The following ADRA1B variants were observed in gnomAD, a reference collection of about 807,000 sequenced individuals.
ADRA1B encodes adrenoceptor alpha 1B.
ADRA1B carries 17 observed loss-of-function variants against 17.9 expected under a neutral mutation model. That is an observed-to-expected ratio of 0.95 (90% CI 0.65 to 1.42). ADRA1B has a LOEUF of 1.42. Ranked by LOEUF, ADRA1B falls within the 40% of genes most tolerant of loss-of-function variation. ADRA1B has a pLI of 0.00. For synonymous variants in ADRA1B, 366 were observed against 327.6 expected, an observed-to-expected ratio of 1.12 and a Z score of -1.27; for missense variants, 681 against 722.1, an observed-to-expected ratio of 0.94 and a Z score of 0.65.
At chr5:159,879,500 G>C (rs2113084740) in intron 1 of ADRA1B, among the ~76,000 whole-genome samples, 1 of 152,272 alleles carries the variant, frequency 6.6e-6, no homozygotes, top group Middle Eastern at 3.4e-3. Context: ...GCTGAATCCT[G>C]CCCTTCATCC....
intron 1 of ADRA1B, among the ~76,000 whole-genome samples, chr5:159,957,929 CAAAAAAAAAAAAA>C (rs35956137): frequency 3.0e-5 from 2 of 66,850 alleles, no homozygotes; most frequent in Non-Finnish European, 5.4e-5. Flanking sequence ...AACCCCATCT[CAAAAAAAAAAAAA>C]AAAAAAAAAA....
At chr5:159,910,069 C>T (rs967860240) in intron 1 of ADRA1B, among the ~76,000 whole-genome samples, 9 of 152,206 alleles carry the variant, frequency 5.9e-5, no homozygotes, top group South Asian at 4.1e-4. Context: ...CATACATATA[C>T]GCACACACAT....
At chr5:159,939,196 T>C (rs1248850928) in intron 1 of ADRA1B, among the ~76,000 whole-genome samples, 10 of 151,078 alleles carry the variant, frequency 6.6e-5, no homozygotes, top group Non-Finnish European at 1.2e-4. Context: ...GGTTTTCATT[T>C]GAGAAGGAAG....
chr5:159,940,945 T>C (rs1755107230), intron 1 of ADRA1B, among the ~76,000 whole-genome samples: 1 of 152,232 alleles, frequency 6.6e-6, no homozygotes, highest in Non-Finnish European at 1.5e-5. Context: ...AATTTCAATG[T>C]GGTACAATTC....
the ADRA1B span, among the ~76,000 whole-genome samples, chr5:159,980,126 G>C: frequency 6.6e-6 from 1 of 152,030 alleles, no homozygotes; most frequent in Non-Finnish European, 1.5e-5. Context: ...CAGGCTAGGA[G>C]GGTGGTTAGG....
chr5:159,957,853 C>T lies in ADRA1B; in HGVS notation c.950-14026C>T, dbSNP rs554313958. ...TTAAGGCCAGAGAATCACTTGAACC[C>T]GGGAGGTGAAGGTTGCAGTGAGCCA... On this transcript the variant is annotated intron_variant, in intron 1 of 1. Coordinates refer to ENST00000306675, the MANE Select transcript of ADRA1B (RefSeq NM_000679.4). Among the ~76,000 whole-genome samples, 6 of 143,804 alleles carry T rather than the reference C, an allele frequency of 4.2e-5. No individual in the cohort carries two copies. In the South Asian group the frequency reaches 6.5e-4, roughly 16 times the overall value. The allele number at this position is 143,804 out of a possible 152,430, so 94.3% of individuals were successfully genotyped here. A position where few individuals can be genotyped will look rare whatever the true frequency, so the allele number is the denominator to read the frequency against.
intron 1 of ADRA1B, among the ~76,000 whole-genome samples, chr5:159,883,776 A>T (rs900208812): frequency 6.6e-6 from 1 of 152,254 alleles, no homozygotes; most frequent in Non-Finnish European, 1.5e-5. Flanking sequence ...ATGAACCATA[A>T]TTCACTTTGC....
At chr5:159,935,578 G>A (rs1162775796) in intron 1 of ADRA1B, among the ~76,000 whole-genome samples, 5 of 151,292 alleles carry the variant, frequency 3.3e-5, no homozygotes, top group South Asian at 2.1e-4. Flanking sequence ...ATAGGGTCTC[G>A]CTCTGTCACC....
intron 1 of ADRA1B, among the ~76,000 whole-genome samples, chr5:159,919,626 G>A (rs1373066008): frequency 6.6e-6 from 1 of 152,238 alleles, no homozygotes; most frequent in Non-Finnish European, 1.5e-5. Flanking sequence ...GTATAACTGT[G>A]TCTTTTCTCC....
At chr5:159,932,395 C>T (rs759399386) in intron 1 of ADRA1B, among the ~76,000 whole-genome samples, 7 of 152,094 alleles carry the variant, frequency 4.6e-5, no homozygotes, top group Non-Finnish European at 7.4e-5. Flanking sequence ...TGGCTTCAAG[C>T]GATCATCCTG....
chr5:159,937,383 G>A (rs1260672830), intron 1 of ADRA1B, among the ~76,000 whole-genome samples: 1 of 152,120 alleles, frequency 6.6e-6, no homozygotes, highest in East Asian at 1.9e-4. Flanking sequence ...CAAAAAGGCT[G>A]GAACCAGGAT....
chr5:159,927,063 C>T (rs531389323), intron 1 of ADRA1B, among the ~76,000 whole-genome samples: 1 of 152,022 alleles, frequency 6.6e-6, no homozygotes, highest in South Asian at 2.1e-4. Context: ...GCCGGTGAAG[C>T]GAGATTGGCT....
At chr5:159,874,061 C>A (rs1297044069) in intron 1 of ADRA1B, among the ~76,000 whole-genome samples, 1 of 152,146 alleles carries the variant, frequency 6.6e-6, no homozygotes, top group Non-Finnish European at 1.5e-5. Context: ...CATTCTGTAG[C>A]CCTTCTGGGC....
chr5:159,931,722 G>T (rs1335700158), intron 1 of ADRA1B, among the ~76,000 whole-genome samples: 1 of 152,178 alleles, frequency 6.6e-6, no homozygotes, highest in Admixed American at 6.5e-5. Context: ...AGATCAAGGA[G>T]CAAGAACATT....
intron 1 of ADRA1B, among the ~76,000 whole-genome samples, chr5:159,950,271 T>C (rs1755396297): frequency 6.7e-6 from 1 of 149,682 alleles, no homozygotes; most frequent in Non-Finnish European, 1.5e-5. Flanking sequence ...GTGACCCTAG[T>C]GGAGAATTTT....
chr5:159,932,012 A>G (rs1754819379), intron 1 of ADRA1B, among the ~76,000 whole-genome samples: 1 of 152,160 alleles, frequency 6.6e-6, no homozygotes, highest in Non-Finnish European at 1.5e-5. Context: ...ACTTTGCAGA[A>G]TTTTCTGTGT....
chr5:159,901,377 A>AAGG (rs1203694374), intron 1 of ADRA1B, among the ~76,000 whole-genome samples: 1,319 of 122,810 alleles, frequency 0.011, 41 homozygotes, highest in African/African-American at 0.036. Context: ...CAAGAAGAGG[A>AAGG]AGGAGGAGGA....
intron 1 of ADRA1B, among the ~76,000 whole-genome samples, chr5:159,894,806 GT>G (rs1754024560): frequency 6.6e-6 from 1 of 152,058 alleles, no homozygotes; most frequent in Admixed American, 6.5e-5. Flanking sequence ...GGAAGGTGAT[GT>G]TGTCACTGTC....
chr5:159,873,244 A>G (rs1753768030), intron 1 of ADRA1B, among the ~76,000 whole-genome samples: 1 of 152,184 alleles, frequency 6.6e-6, no homozygotes, highest in South Asian at 2.1e-4. Context: ...ATAAGTATGC[A>G]TGTGTCTTTA....
Sources: gnomAD v4.1 joint callset for allele counts (sites outside exome capture counted in the v4.1 genomes callset) on GRCh38, gnomAD v4.1.1 for gene constraint, MANE v1.5 for transcripts, NCBI Gene and HGNC (gene_info 2026-07-23, HGNC 2026-07-21) for gene names.